Variants in AP2A1 observed in about 807,000 individuals in gnomAD.
The protein encoded by AP2A1 is AP-2 complex subunit alpha-1.
In AP2A1, 21 loss-of-function variants were observed where a neutral mutation model predicts 107.3. That is an observed-to-expected ratio of 0.20 (90% CI 0.14 to 0.28). AP2A1 has a LOEUF of 0.28. Ranked by LOEUF, AP2A1 falls within the 10% of genes least tolerant of loss-of-function variation. AP2A1 has a pLI of 1.00. For missense variants in AP2A1, 873 were observed against 1,307.7 expected, an observed-to-expected ratio of 0.67 and a Z score of 5.13; for synonymous variants, 602 against 564.8, an observed-to-expected ratio of 1.07 and a Z score of -0.93.
At chr19:49,795,790 G>C (rs895461899) in intron 7 of AP2A1, 52 bp downstream of exon 7, 4 of 1,337,186 alleles carry the variant, frequency 3.0e-6, no homozygotes, top group Middle Eastern at 1.8e-4. Context: ...GCTGGCATCT[G>C]GGGGCCTCCT....
At chr19:49,775,977 T>G (rs1325585733) in intron 1 of AP2A1, among the ~76,000 whole-genome samples, 1 of 152,094 alleles carries the variant, frequency 6.6e-6, no homozygotes, top group Admixed American at 6.6e-5. Context: ...AACCAGAAGC[T>G]CCAAGGTAAG....
At chr19:49,769,031 C>A (rs1294994428) in intron 1 of AP2A1, among the ~76,000 whole-genome samples, 2 of 152,140 alleles carry the variant, frequency 1.3e-5, no homozygotes, top group East Asian at 3.8e-4. Flanking sequence ...AGGCGGATCA[C>A]CTGAGGTCAG....
rs1303414607 is a variant in AP2A1, at chr19:49,767,017, C to G, written c.-117C>G. The G allele has an allele frequency of 1.8e-6, 2 of 1,087,366 alleles. No homozygotes were observed. The highest frequency in any genetic ancestry group is 2.4e-6 in the Non-Finnish European group (2 of 828,486). 67.4% of individuals were successfully genotyped at this position (1,087,366 alleles called of 1,614,324 possible). A position where few individuals can be genotyped will look rare whatever the true frequency, so the allele number is the denominator to read the frequency against. ...CGCCCGCCCGCCAGCCAGCCCTCCCCGCGGCCGGCTCGGCTCCTTGGCGCT... is the reference window on the plus strand; with the variant it reads ...CGCCCGCCCGCCAGCCAGCCCTCCCGGCGGCCGGCTCGGCTCCTTGGCGCT... On this transcript the variant is annotated 5_prime_UTR_variant, in exon 1 of 23. Coordinates refer to ENST00000354293, the MANE Select transcript of AP2A1 (RefSeq NM_130787.3).
rs557627252 is a variant in AP2A1 at position 49,806,314 on chromosome 19, A to G, written c.2790+61A>G. Reference sequence around the variant, plus strand: ...AAGGCCGCCTGTCATCTCTGCGTCCACCCTTCCTGCCTCACTGTTCTTTAA... The same window carrying G: ...AAGGCCGCCTGTCATCTCTGCGTCCGCCCTTCCTGCCTCACTGTTCTTTAA... On this transcript the variant is annotated intron_variant, in intron 22 of 22. Transcript: ENST00000354293. 22 of 1,500,618 alleles carry G rather than the reference A, an allele frequency of 1.5e-5. No homozygotes were observed. The South Asian group carries it at 1.9e-4, about 13-fold the overall frequency. The allele number at this position is 1,500,618 out of a possible 1,614,324, so 93.0% of individuals were successfully genotyped here.
chr19:49,801,250 C>T (rs2073275339), intron 12 of AP2A1, 140 bp from the exon 13 acceptor site: 1 of 1,003,492 alleles, frequency 1.0e-6, no homozygotes, highest in Non-Finnish European at 1.5e-6. Context: ...CGGCCCCTGT[C>T]TGGTGCCTGG....
rs768624792 is a variant in AP2A1 at position 49,795,780 on chromosome 19, G to A, written c.814+42G>A. The A allele has an allele frequency of 2.1e-6, 3 of 1,431,838 alleles. No individual in the cohort carries two copies. In the Admixed American group the frequency reaches 5.9e-5, roughly 28 times the overall value. 88.7% of individuals were successfully genotyped at this position (1,431,838 alleles called of 1,614,324 possible). A position where few individuals can be genotyped will look rare whatever the true frequency, so the allele number is the denominator to read the frequency against. ...ACTCCCCAACCCGGGGTGGCCTGCT[G>A]CTGGCATCTGGGGGCCTCCTGCTCC... On this transcript the variant is annotated intron_variant, in intron 7 of 22. Transcript: ENST00000354293.
chr19:49,800,118 G>C lies in AP2A1; in HGVS notation c.1423G>C (p.Val475Leu), dbSNP rs749773354. The C allele has an allele frequency of 5.0e-6, 8 of 1,613,350 alleles. No individual in the cohort carries two copies. Among genetic ancestry groups the C allele is most frequent in the Non-Finnish European group, 6.8e-6 (8 of 1,179,544 alleles). ...ACAGATCGTCACCAACCGTGATGAC[G>C]TCCAGGGCTATGCCGCCAAGACCGT... The part of the protein sequence containing the change: ...VLQIVTNRDD[V>L]QGYAAKTVFE... The change falls in exon 11 of 23, where the codon GTC becomes CTC. Residue 475 changes from valine to leucine, a missense_variant. Physicochemically the swap from Val to Leu is conservative, Grantham distance 32. This residue lies in a region of AP2A1 where 213 missense variants were observed against 443.5 expected (regional missense o/e 0.48). Coordinates refer to ENST00000354293, the MANE Select transcript of AP2A1 (RefSeq NM_130787.3).
At chr19:49,799,011 G>A in intron 8 of AP2A1, 59 bp downstream of exon 8, 1 of 1,545,050 alleles carries the variant, frequency 6.5e-7, no homozygotes, top group Non-Finnish European at 8.8e-7. Flanking sequence ...GGGCATGGAG[G>A]CCCGGACTCC....
At chr19:49,806,599 T>C in intron 22 of AP2A1, 82 bp from the exon 23 acceptor site, 1 of 1,555,240 alleles carries the variant, frequency 6.4e-7, no homozygotes. Flanking sequence ...CCTTTATCCT[T>C]CCTTCCTTCT....
intron 4 of AP2A1, among the ~76,000 whole-genome samples, chr19:49,791,221 T>C (rs1262215817): frequency 6.6e-6 from 1 of 152,236 alleles, no homozygotes; most frequent in East Asian, 1.9e-4. Context: ...GTTTTGTTTA[T>C]TTTTAAATTT....
intron 1 of AP2A1, among the ~76,000 whole-genome samples, chr19:49,773,599 A>G (rs77220875): frequency 0.12 from 18,573 of 152,182 alleles, 1,280 homozygotes; most frequent in East Asian, 0.2. Flanking sequence ...TTCCTGCCCT[A>G]GGGTGCTCAC....
At chr19:49,795,855 C>A in intron 7 of AP2A1, 117 bp downstream of exon 7, 1 of 825,292 alleles carries the variant, frequency 1.2e-6, no homozygotes, top group Non-Finnish European at 1.9e-6. Context: ...TTCTCTGAAG[C>A]TGGGGCGGTT....
Position 49,805,488 on chromosome 19 carries a change from G to T in AP2A1, c.2380G>T (p.Val794Leu). Reference sequence around the variant, plus strand: ...GCAGACCAAGCGCGTGGCGGCGCAGGTGGACGGCGGCGCGCAGGTGCAGCA... The same window carrying T: ...GCAGACCAAGCGCGTGGCGGCGCAGTTGGACGGCGGCGCGCAGGTGCAGCA... ...AVQTKRVAAQ[V>L]DGGAQVQQVL... Residue 794 changes from valine to leucine, a missense_variant, in exon 19 of 23, where the codon GTG becomes TTG. This residue lies in a region of AP2A1 where 416 missense variants were observed against 473.4 expected (regional missense o/e 0.88). Coordinates refer to ENST00000354293, the MANE Select transcript of AP2A1 (RefSeq NM_130787.3). 6.4e-7 allele frequency: 1 copy of T among 1,553,818 alleles called. No individual in the cohort carries two copies. Among genetic ancestry groups the T allele is most frequent in the Non-Finnish European group, 8.7e-7 (1 of 1,149,054 alleles).
chr19:49,791,818 G>A (rs949213118), intron 4 of AP2A1, 117 bp from the exon 5 acceptor site: 1 of 1,368,622 alleles, frequency 7.3e-7, no homozygotes, highest in East Asian at 2.5e-5. Context: ...CCGCCTGGCT[G>A]TCTGTCCCTC....
chr19:49,803,058 C>A (rs768226421), intron 16 of AP2A1, 49 bp from the exon 17 acceptor site: 1 of 1,613,530 alleles, frequency 6.2e-7, no homozygotes, highest in South Asian at 1.1e-5. Context: ...GGAGCCCAGG[C>A]CAGGTGCAGA....
chr19:49,791,845 C>A (rs774062400), intron 4 of AP2A1, 90 bp from the exon 5 acceptor site: 2 of 1,490,216 alleles, frequency 1.3e-6, no homozygotes, highest in Non-Finnish European at 1.8e-6. Context: ...GCCTCGCACA[C>A]CCTTCCTGGG....
intron 15 of AP2A1, 159 bp downstream of exon 15, chr19:49,802,300 C>G (rs1246342029): frequency 1.2e-6 from 1 of 832,290 alleles, no homozygotes; most frequent in Admixed American, 2.0e-5. Flanking sequence ...CTCCCCTGCC[C>G]CAGCCTCCCT....
Position 49,802,032 on chromosome 19 carries a change from C to T in AP2A1, c.2005C>T (p.Pro669Ser), listed in dbSNP as rs2073288799. The T allele has an allele frequency of 6.4e-7, 1 of 1,568,496 alleles. No individual in the cohort carries two copies. Among genetic ancestry groups the T allele is most frequent in the Non-Finnish European group, 8.6e-7 (1 of 1,161,974 alleles). The change falls in exon 15 of 23, where the codon CCG (proline) becomes TCG (serine). Residue 669 changes from proline (P) to serine (S), a missense_variant. This residue lies in a region of AP2A1 where 416 missense variants were observed against 473.4 expected (regional missense o/e 0.88). Transcript: ENST00000354293. ...CCTGGGGCTGCGGGCAGCCCCTCCC[C>T]CGGCAGCACCCCCGGCTTCTGCAGG... is the stretch of plus-strand genomic sequence containing the variant. ...DLLGLRAAPP[P>S]AAPPASAGAG... is the part of the protein sequence containing the mutation.
chr19:49,806,957 C>T lies in AP2A1; in HGVS notation c.*199C>T. The T allele has an allele frequency of 6.5e-7, 1 of 1,533,052 alleles. No individual in the cohort carries two copies. The highest frequency in any genetic ancestry group is 8.7e-7 in the Non-Finnish European group (1 of 1,146,426). The allele number at this position is 1,533,052 out of a possible 1,614,324, so 95.0% of individuals were successfully genotyped here. On this transcript the variant is annotated 3_prime_UTR_variant, in exon 23 of 23. Coordinates refer to ENST00000354293, the MANE Select transcript of AP2A1 (RefSeq NM_130787.3). ...TACATTCTGGGGGGTTAGGGGGAGT[C>T]CCCCTCCCTCCCTTTCCCCCCCAAG...
Sources: gnomAD v4.1 joint callset for allele counts (sites outside exome capture counted in the v4.1 genomes callset) on GRCh38, gnomAD v4.1.1 for gene constraint, gnomAD v4.1.1 regional missense constraint, MANE v1.5 for transcripts, NCBI Gene and HGNC (gene_info 2026-07-23, HGNC 2026-07-21) for gene names.